PHF24: variants seen among roughly 807,000 people sequenced by gnomAD.
PHF24 encodes the protein PHD finger protein 24, also known as Galpha inhibitory interacting protein.
PHF24 carries 25 observed loss-of-function variants against 42.6 expected under a neutral mutation model. The observed-to-expected ratio is 0.59, with a 90% CI of 0.43 to 0.82. PHF24 has a LOEUF of 0.82. PHF24 is among the 40% of genes least tolerant of loss of function. The probability of loss-of-function intolerance (pLI) is 0.00; values close to 1 mark genes in which losing one functional copy is unlikely to be tolerated. For missense variants in PHF24, 470 were observed against 538.1 expected (o/e 0.87, Z 1.25); for synonymous variants, 185 against 204.8 (o/e 0.90, Z 0.83).
At chr9:34,881,753 A>G in the PHF24 span, among the ~76,000 whole-genome samples, 1 of 152,232 alleles carries the variant, frequency 6.6e-6, no homozygotes, top group Admixed American at 6.5e-5. Context: ...CCAGGACCAG[A>G]TGGATTCACA....
At chr9:34,739,797 G>T in the PHF24 span, among the ~76,000 whole-genome samples, 3 of 152,220 alleles carry the variant, frequency 2.0e-5, no homozygotes, top group African/African-American at 7.2e-5. Context: ...GCTGCTGGCT[G>T]GGGCAGCCTG....
rs984397794 is a variant in PHF24 at position 34,976,481 on chromosome 9, G to T, written c.644-54G>T. ...CGAGGGTGCCCTGGAGGTGATGGAGGTGCCCTGAGGCTGAGGAAGGATGGG... is the reference window on the plus strand; with the variant it reads ...CGAGGGTGCCCTGGAGGTGATGGAGTTGCCCTGAGGCTGAGGAAGGATGGG... On this transcript the variant is annotated intron_variant, in intron 4 of 7. Coordinates refer to ENST00000242315, the Ensembl canonical transcript of PHF24. The T allele has an allele frequency of 4.4e-5, 69 of 1,562,182 alleles. No homozygotes were observed. The African/African-American group carries it at 8.9e-4, about 20-fold the overall frequency.
chr9:34,874,053 G>T, the PHF24 span, among the ~76,000 whole-genome samples: 693 of 152,060 alleles, frequency 4.6e-3, 5 homozygotes, highest in African/African-American at 0.016. Flanking sequence ...TTTGTATCCT[G>T]AGACTTTGCT....
At chr9:34,826,186 G>A in the PHF24 span, among the ~76,000 whole-genome samples, 29 of 152,186 alleles carry the variant, frequency 1.9e-4, no homozygotes, top group East Asian at 2.5e-3. Context: ...CACTGTCTCC[G>A]GGCATGAGAA....
At chr9:34,788,890 G>C in the PHF24 span, among the ~76,000 whole-genome samples, 6 of 152,322 alleles carry the variant, frequency 3.9e-5, no homozygotes, top group African/African-American at 1.2e-4. Flanking sequence ...CAGTTAACCT[G>C]TCAGAATGTA....
the PHF24 span, chr9:34,729,362 G>T: frequency 1.3e-6 from 2 of 1,551,802 alleles, no homozygotes; most frequent in Non-Finnish European, 1.7e-6. Flanking sequence ...CAATAACGAT[G>T]AAGATGGAGC....
the PHF24 span, among the ~76,000 whole-genome samples, chr9:34,875,940 A>ACTCTCTCTCT: frequency 1.3e-4 from 12 of 89,332 alleles, no homozygotes; most frequent in South Asian, 3.8e-4. Context: ...ACACACACAC[A>ACTCTCTCTCT]CACACACACA....
chr9:34,801,045 AC>A, the PHF24 span, among the ~76,000 whole-genome samples: 1 of 152,268 alleles, frequency 6.6e-6, no homozygotes, highest in Non-Finnish European at 1.5e-5. Context: ...TATGCAGCCA[AC>A]AAACATGTGA....
At chr9:34,845,514 G>A in the PHF24 span, among the ~76,000 whole-genome samples, 1 of 151,858 alleles carries the variant, frequency 6.6e-6, no homozygotes, top group Non-Finnish European at 1.5e-5. Context: ...TTGCTTTGTG[G>A]TTAACATGAG....
the PHF24 span, among the ~76,000 whole-genome samples, chr9:34,853,822 C>T: frequency 3.3e-3 from 417 of 125,398 alleles, no homozygotes; most frequent in African/African-American, 0.012. Flanking sequence ...AGCGAGACTC[C>T]GTCTCAAAAA....
the PHF24 span, among the ~76,000 whole-genome samples, chr9:34,667,672 G>C: frequency 6.6e-6 from 1 of 152,216 alleles, no homozygotes; most frequent in Non-Finnish European, 1.5e-5. Flanking sequence ...GGGCTCAGAG[G>C]GGGCAGACAG....
the PHF24 span, among the ~76,000 whole-genome samples, chr9:34,936,842 C>T: frequency 2.0e-5 from 3 of 151,558 alleles, no homozygotes; most frequent in Middle Eastern, 3.4e-3. Flanking sequence ...GCAACCGCCC[C>T]GTCTGATAAG....
chr9:34,752,363 C>G, the PHF24 span, among the ~76,000 whole-genome samples: 1 of 151,908 alleles, frequency 6.6e-6, no homozygotes, highest in Admixed American at 6.6e-5. Flanking sequence ...ACATTTCAAC[C>G]AACACCACAG....
the PHF24 span, among the ~76,000 whole-genome samples, chr9:34,874,217 C>A: frequency 2.0e-5 from 3 of 152,100 alleles, no homozygotes; most frequent in East Asian, 1.9e-4. Context: ...CCCTGGCCAG[C>A]ACTTCCAACA....
At chr9:34,665,682 T>C in the PHF24 span, 1 of 700,902 alleles carries the variant, frequency 1.4e-6, no homozygotes. Flanking sequence ...GAACGTCTCC[T>C]GGGGAGCGGC....
At chr9:34,810,558 C>A in the PHF24 span, among the ~76,000 whole-genome samples, 1 of 152,268 alleles carries the variant, frequency 6.6e-6, no homozygotes, top group South Asian at 2.1e-4. Flanking sequence ...GTGGAGCCCC[C>A]AGAGGGCCCC....
rs370232714 is a variant in PHF24 at position 34,960,407 on chromosome 9, T to C, written c.-5+2006T>C. The stretch of plus-strand genomic sequence containing the variant: ...TTTTTTTCTTTTAACTCAGTGATGC[T>C]ACCTTGCGCGCAACTCAGTGGAGTA... On this transcript the variant is annotated intron_variant, in intron 1 of 7. Transcript: ENST00000242315. Among the ~76,000 whole-genome samples, 52 of 152,310 alleles carry C rather than the reference T, an allele frequency of 3.4e-4. No individual in the cohort carries two copies. In the South Asian group the frequency reaches 7.0e-3, roughly 21 times the overall value.
the PHF24 span, among the ~76,000 whole-genome samples, chr9:34,817,081 G>T: frequency 2.6e-5 from 4 of 152,066 alleles, no homozygotes; most frequent in African/African-American, 9.7e-5. Flanking sequence ...AAATCAACTA[G>T]GACAGATAAT....
the PHF24 span, among the ~76,000 whole-genome samples, chr9:34,783,424 T>G: frequency 1.3e-5 from 2 of 152,216 alleles, no homozygotes; most frequent in African/African-American, 4.8e-5. Context: ...ATCCCAAGAC[T>G]TTGTGCTCCT....
Sources: allele counts gnomAD v4.1 joint callset (sites outside exome capture counted in the v4.1 genomes callset), GRCh38; gene constraint gnomAD v4.1.1; transcripts MANE v1.5; gene names NCBI Gene and HGNC (gene_info 2026-07-23, HGNC 2026-07-21).